Variants in PIWIL2 observed in about 807,000 individuals in gnomAD.
PIWIL2 encodes the protein piwi-like protein 2.
Under a neutral mutation model 116.5 loss-of-function variants are expected in PIWIL2, and 81 were observed. The ratio of observed to expected loss-of-function variants is 0.70; its 90% CI spans 0.58 to 0.84. PIWIL2 has a LOEUF of 0.84. PIWIL2 is among the 40% of genes least tolerant of loss of function. PIWIL2 has a pLI of 0.00. For synonymous variants in PIWIL2, 489 were observed against 429.5 expected, an observed-to-expected ratio of 1.14 and a Z score of -1.71; for missense variants, 1,272 against 1,212.3, an observed-to-expected ratio of 1.05 and a Z score of -0.73.
Position 22,284,166 on chromosome 8 carries a change from C to T in PIWIL2, c.637C>T (p.Leu213Phe). ...CTTTTTGTTTTTATTTTCTAGAGAGCTTATTGTGAAGCAAGGATCAAAAGG... is the reference window on the plus strand; with the variant it reads ...CTTTTTGTTTTTATTTTCTAGAGAGTTTATTGTGAAGCAAGGATCAAAAGG... ...VLTVEHKEKELIVKQGSKGTP... is the reference protein window; with the variant it reads ...VLTVEHKEKEFIVKQGSKGTP... Residue 213 changes from leucine to phenylalanine, a missense_variant, in exon 6 of 23, where the codon CTT becomes TTT. Leu to Phe is a conservative substitution (Grantham distance 22). Coordinates refer to ENST00000356766, the MANE Select transcript of PIWIL2 (RefSeq NM_018068.5). 1.3e-6 allele frequency: 2 copies of T among 1,565,902 alleles called. No homozygotes were observed. The highest frequency in any genetic ancestry group is 1.2e-5 in the South Asian group (1 of 84,978).
At chr8:22,353,764 CTTTTTTTTTTTTTTT>C (rs760913894) in intron 21 of PIWIL2, among the ~76,000 whole-genome samples, 2 of 68,328 alleles carry the variant, frequency 2.9e-5, no homozygotes, top group Admixed American at 2.1e-4. Context: ...GTTTCTACCA[CTTTTTTTTTTTTTTT>C]TTTTTTTTTT....
At chr8:22,297,669 A>C (rs1002872113) in intron 10 of PIWIL2, among the ~76,000 whole-genome samples, 19 of 152,204 alleles carry the variant, frequency 1.2e-4, no homozygotes, top group African/African-American at 2.9e-4. Context: ...GGCTCAACTC[A>C]GAATACAACA....
intron 10 of PIWIL2, among the ~76,000 whole-genome samples, chr8:22,300,655 G>T (rs964670228): frequency 6.6e-6 from 1 of 152,148 alleles, no homozygotes; most frequent in African/African-American, 2.4e-5. Context: ...ACATTCTCAC[G>T]AATACTTGGT....
intron 20 of PIWIL2, among the ~76,000 whole-genome samples, chr8:22,333,242 G>C (rs1255605204): frequency 1.3e-5 from 2 of 152,124 alleles, no homozygotes; most frequent in Non-Finnish European, 2.9e-5. Flanking sequence ...TAAATAAACA[G>C]GATCAACAGC....
At chr8:22,281,009 A>G (rs1830486389) in intron 2 of PIWIL2, 111 bp from the exon 3 acceptor site, 6 of 639,302 alleles carry the variant, frequency 9.4e-6, no homozygotes, top group East Asian at 8.5e-5. Context: ...CTTTATTCTT[A>G]TAACATGTAT....
At chr8:22,327,024 C>CTTTTTTTTTTTTTTTTTT (rs71544876) in intron 20 of PIWIL2, among the ~76,000 whole-genome samples, 3 of 105,470 alleles carry the variant, frequency 2.8e-5, no homozygotes, top group Non-Finnish European at 3.6e-5. Context: ...TGTTTTTTTA[C>CTTTTTTTTTTTTTTTTTT]TTTTTTTTTT....
intron 20 of PIWIL2, among the ~76,000 whole-genome samples, chr8:22,322,590 CGTCCT>C (rs913426049): frequency 3.0e-5 from 4 of 134,118 alleles, no homozygotes; most frequent in Admixed American, 1.6e-4. Context: ...TGTCCCGTCC[CGTCCT>C]GTCCCGTCCC....
intron 20 of PIWIL2, chr8:22,322,104 A>G (rs185618905): frequency 1.4e-5 from 5 of 346,848 alleles, no homozygotes; most frequent in South Asian, 1.2e-4. Context: ...TACATCCTTC[A>G]TCCAGTTTTC....
At chr8:22,318,008 C>A (rs1220169505) in intron 19 of PIWIL2, among the ~76,000 whole-genome samples, 162 bp from the exon 20 acceptor site, 1 of 152,166 alleles carries the variant, frequency 6.6e-6, no homozygotes, top group African/African-American at 2.4e-5. Flanking sequence ...TATGTCTTTT[C>A]TCCATGTCAC....
intron 20 of PIWIL2, among the ~76,000 whole-genome samples, chr8:22,349,419 G>GTATA (rs71206515): frequency 0.013 from 1,784 of 134,400 alleles, 12 homozygotes; most frequent in Non-Finnish European, 0.019. Context: ...ATGTGTGTGT[G>GTATA]TATATATATA....
At chr8:22,277,285 G>A (rs1249344879) in intron 1 of PIWIL2, among the ~76,000 whole-genome samples, 2 of 152,134 alleles carry the variant, frequency 1.3e-5, no homozygotes, top group Non-Finnish European at 1.5e-5. Context: ...GCCTCCCAAA[G>A]TGCTGTGATT....
intron 20 of PIWIL2, among the ~76,000 whole-genome samples, chr8:22,349,436 T>TAC (rs1261738581): frequency 3.4e-5 from 5 of 147,462 alleles, no homozygotes; most frequent in African/African-American, 1.2e-4. Context: ...TATATATATA[T>TAC]ATATATATAA....
chr8:22,341,446 T>C (rs188654377), intron 20 of PIWIL2, among the ~76,000 whole-genome samples: 1 of 151,864 alleles, frequency 6.6e-6, no homozygotes, highest in African/African-American at 2.4e-5. Flanking sequence ...AAATACAAAA[T>C]TAGCTGGGCA....
chr8:22,315,282 A>G (rs570277667), intron 18 of PIWIL2, 137 bp downstream of exon 18: 3 of 593,896 alleles, frequency 5.1e-6, no homozygotes, highest in Admixed American at 2.9e-5. Context: ...TCTTCAGCCC[A>G]TTATCTAAGA....
chr8:22,295,412 A>G (rs1395668585), intron 10 of PIWIL2, among the ~76,000 whole-genome samples: 5 of 152,058 alleles, frequency 3.3e-5, no homozygotes, highest in African/African-American at 4.8e-5. Context: ...GAGTTGTGTA[A>G]TCCCTTCACT....
At chr8:22,312,558 G>T (rs1190411321) in intron 16 of PIWIL2, among the ~76,000 whole-genome samples, 1 of 151,936 alleles carries the variant, frequency 6.6e-6, no homozygotes. Flanking sequence ...GAGTCACCAT[G>T]CCCAGCAGCA....
intron 14 of PIWIL2, among the ~76,000 whole-genome samples, chr8:22,308,364 T>A (rs1221040580): frequency 6.6e-6 from 1 of 152,108 alleles, no homozygotes; most frequent in Non-Finnish European, 1.5e-5. Flanking sequence ...TTATAAATAA[T>A]GATGCAGGGC....
rs1489660155 is a variant in PIWIL2, at chr8:22,309,151, G to A, written c.1687-810G>A. 5.9e-5 allele frequency among the ~76,000 whole-genome samples: 9 copies of A among 151,454 alleles called. 1 individual carries two copies. Among genetic ancestry groups the A allele is most frequent in the Non-Finnish European group, 1.2e-4 (8 of 67,866 alleles). ...TAATTTTTGTATTTTTAGTAGAGAC[G>A]GGGTTTCACCATCTTGGCCAGGCTG... is the stretch of plus-strand genomic sequence containing the variant. On this transcript the variant is annotated intron_variant, in intron 14 of 22. Transcript: ENST00000356766.
chr8:22,303,921 T>C (rs1178038779), intron 10 of PIWIL2, 100 bp from the exon 11 acceptor site: 5 of 707,542 alleles, frequency 7.1e-6, no homozygotes, highest in African/African-American at 1.8e-5. Context: ...TCTGGTGCTA[T>C]ATAGCTGTGA....
Sources: allele counts gnomAD v4.1 joint callset (sites outside exome capture counted in the v4.1 genomes callset), GRCh38; gene constraint gnomAD v4.1.1; transcripts MANE v1.5; gene names NCBI Gene and HGNC (gene_info 2026-07-23, HGNC 2026-07-21).